DIPK2A: variants seen among roughly 807,000 people sequenced by gnomAD.
DIPK2A encodes the protein divergent protein kinase domain 2A.
A neutral mutation model predicts 39.0 loss-of-function variants in DIPK2A; 27 were observed. The observed-to-expected ratio is 0.69, with a 90% confidence interval of 0.51 to 0.96. DIPK2A has a LOEUF of 0.96. DIPK2A is among the 40% of genes least tolerant of loss of function. The pLI is 0.00. For synonymous variants in DIPK2A, 298 were observed against 240.8 expected, an observed-to-expected ratio of 1.24 and a Z score of -2.20; for missense variants, 528 against 571.3, an observed-to-expected ratio of 0.92 and a Z score of 0.77.
chr3:143,973,561 G>C (rs750291243), intron 1 of DIPK2A: 1 of 1,547,978 alleles, frequency 6.5e-7, no homozygotes, highest in African/African-American at 1.4e-5. Flanking sequence ...ACAGTGGTCG[G>C]GGTGGGTTTA....
At position 143,989,827 on chromosome 3, in the gene DIPK2A, A is replaced by T; in HGVS notation, c.1279A>T (p.Asn427Tyr). 2 of 1,612,664 alleles carry T rather than the reference A, an allele frequency of 1.2e-6. No homozygotes were observed. Among genetic ancestry groups the T allele is most frequent in the Non-Finnish European group, 8.5e-7 (1 of 1,178,764 alleles). ...GCGTGAATACCTAGCACAATTAAGTAACAACGTGAGGTAGTCTATGGTGAA... is the reference window on the plus strand; with the variant it reads ...GCGTGAATACCTAGCACAATTAAGTTACAACGTGAGGTAGTCTATGGTGAA... ...ELREYLAQLS[N>Y]NVR The change falls in exon 3 of 3, where the codon AAC (asparagine) becomes TAC (tyrosine). Residue 427 changes from asparagine (N) to tyrosine (Y), a missense_variant. Coordinates refer to ENST00000315691, the MANE Select transcript of DIPK2A (RefSeq NM_173552.5).
Position 143,989,951 on chromosome 3 carries a change from G to T in DIPK2A, c.*110G>T. 1.0e-5 allele frequency: 8 copies of T among 775,948 alleles called. No homozygotes were observed. In the South Asian group the frequency reaches 1.5e-4, roughly 14 times the overall value. The allele number at this position is 775,948 out of a possible 1,614,324, so 48.1% of individuals were successfully genotyped here. ...TTTGGAAGTGTTACATTCAGAGGATGATAAACTTGCACTGATAGATCTTAA... is the reference window on the plus strand; with the variant it reads ...TTTGGAAGTGTTACATTCAGAGGATTATAAACTTGCACTGATAGATCTTAA... On this transcript the variant is annotated 3_prime_UTR_variant, in exon 3 of 3. Transcript: ENST00000315691.
At chr3:143,978,844 C>T (rs2087788233) in intron 1 of DIPK2A, among the ~76,000 whole-genome samples, 1 of 151,472 alleles carries the variant, frequency 6.6e-6, no homozygotes, top group Non-Finnish European at 1.5e-5. Context: ...GCATCCATTT[C>T]ACATTCTGTA....
intron 1 of DIPK2A, among the ~76,000 whole-genome samples, chr3:143,979,304 GT>G (rs2087794282): frequency 6.6e-6 from 1 of 152,114 alleles, no homozygotes; most frequent in Non-Finnish European, 1.5e-5. Context: ...AGGAAAGACG[GT>G]TTAGATAAGG....
In DIPK2A at chr3:143,972,227, A is replaced by G. The variant is rs2087659953; in HGVS notation, c.-106A>G. 7 of 1,069,990 alleles carry G rather than the reference A, an allele frequency of 6.5e-6. No individual in the cohort carries two copies. The South Asian group carries it at 1.7e-4, about 26-fold the overall frequency. The allele number at this position is 1,069,990 out of a possible 1,614,324, so 66.3% of individuals were successfully genotyped here. A position where few individuals can be genotyped will look rare whatever the true frequency, so the allele number is the denominator to read the frequency against. On this transcript the variant is annotated 5_prime_UTR_variant, in exon 1 of 3. Transcript: ENST00000315691. The stretch of plus-strand genomic sequence containing the variant: ...CGCCCTCCGCCCCAGCCCGCGCGCT[A>G]GCTCCTTCTCTCGCCCGGGGTTCCT...
intron 2 of DIPK2A, 128 bp downstream of exon 2, chr3:143,985,974 T>G (rs2087893914): frequency 1.5e-6 from 1 of 682,712 alleles, no homozygotes; most frequent in Non-Finnish European, 2.4e-6. Context: ...CTTTGCTTTA[T>G]ATGACCACTG....
chr3:143,976,823 T>G (rs1038119402), intron 1 of DIPK2A, among the ~76,000 whole-genome samples: 2 of 152,054 alleles, frequency 1.3e-5, no homozygotes, highest in East Asian at 3.8e-4. Flanking sequence ...TTAAGCTTGC[T>G]TTTCTATTCT....
In DIPK2A at chr3:143,972,369, T is replaced by A; in HGVS notation, c.37T>A (p.Ser13Thr). Reference protein sequence around the residue: ...RLVPPKLGRLSRSLKLAALGS... With the variant: ...RLVPPKLGRLTRSLKLAALGS... ...GGTGCCCCCGAAGCTGGGCCGCCTG[T>A]CCCGCTCGCTGAAGCTGGCGGCGCT... Residue 13 changes from serine (S) to threonine (T), a missense_variant, in exon 1 of 3, where the codon TCC (serine) becomes ACC (threonine). This residue lies in a region of DIPK2A where 309 missense variants were observed against 289.8 expected (regional missense o/e 1.07). Coordinates refer to ENST00000315691, the MANE Select transcript of DIPK2A (RefSeq NM_173552.5). The A allele has an allele frequency of 1.4e-6, 2 of 1,410,078 alleles. No homozygotes were observed. Among genetic ancestry groups the A allele is most frequent in the Non-Finnish European group, 1.8e-6 (2 of 1,082,250 alleles). 87.3% of individuals were successfully genotyped at this position (1,410,078 alleles called of 1,614,324 possible). A position where few individuals can be genotyped will look rare whatever the true frequency, so the allele number is the denominator to read the frequency against.
intron 1 of DIPK2A, among the ~76,000 whole-genome samples, chr3:143,980,985 A>G (rs1183284773): frequency 6.6e-6 from 1 of 152,200 alleles, no homozygotes; most frequent in Admixed American, 6.5e-5. Context: ...ATTTTAATCT[A>G]TTAGTCTCAT....
intron 2 of DIPK2A, among the ~76,000 whole-genome samples, chr3:143,987,867 A>AC (rs2087926070): frequency 6.6e-6 from 1 of 152,152 alleles, no homozygotes; most frequent in Non-Finnish European, 1.5e-5. Flanking sequence ...ATTAGCAACC[A>AC]CCTAATTGGC....
rs1296945681 is a variant in DIPK2A at position 143,978,535 on chromosome 3, ATAAC to A, written c.657+5550_657+5553del. The A allele has an allele frequency of 2.2e-4, 33 of 151,514 alleles. No homozygotes were observed. In the Admixed American group the frequency reaches 2.2e-3, roughly 10 times the overall value. 9.4% of individuals were successfully genotyped at this position (151,514 alleles called of 1,614,324 possible). ...TACTATGTAGGAGGTAGGTACACAA[ATAAC>A]TAATTATTATACAATCCATTTAATA... On this transcript the variant is annotated intron_variant, in intron 1 of 2. Transcript: ENST00000315691.
At chr3:143,978,663 TATATAG>T (rs200933413) in intron 1 of DIPK2A, 10 of 43,842 alleles carry the variant, frequency 2.3e-4, no homozygotes, top group African/African-American at 1.3e-3. Context: ...TATATATCTA[TATATAG>T]ATATATATAT....
chr3:143,973,873 C>G (rs2087693302), intron 1 of DIPK2A, among the ~76,000 whole-genome samples: 1 of 151,960 alleles, frequency 6.6e-6, no homozygotes, highest in Non-Finnish European at 1.5e-5. Flanking sequence ...AAAAAGAGAA[C>G]AAAAAACAAA....
At chr3:143,973,090 T>C (rs1274517787) in intron 1 of DIPK2A, 101 bp downstream of exon 1, 11 of 1,424,480 alleles carry the variant, frequency 7.7e-6, no homozygotes, top group Non-Finnish European at 1.0e-5. Context: ...CAGTTCGGAC[T>C]CGGCCGGGCT....
At chr3:143,984,933 C>T (rs2087877589) in intron 1 of DIPK2A, among the ~76,000 whole-genome samples, 1 of 152,144 alleles carries the variant, frequency 6.6e-6, no homozygotes, top group Admixed American at 6.5e-5. Flanking sequence ...TCCCTGAATT[C>T]CACCCCATCT....
chr3:143,973,597 A>G (rs538473383), intron 1 of DIPK2A: 55 of 1,482,502 alleles, frequency 3.7e-5, no homozygotes, highest in South Asian at 7.3e-5. Flanking sequence ...TTTGGGTGGG[A>G]TTAGAATCAG....
chr3:143,983,795 ACCAG>A lies in DIPK2A; in HGVS notation c.658-1747_658-1744del. ...CTGGTTTTTTGAAAAGATTAGAAAA[ACCAG>A]ACCACTAGCAATACAAACTGTTTTG... is the stretch of plus-strand genomic sequence containing the variant. On this transcript the variant is annotated intron_variant, in intron 1 of 2. Transcript: ENST00000315691. Among the ~76,000 whole-genome samples the A allele has an allele frequency of 2.0e-5, 3 of 152,150 alleles. 1 individual carries two copies. Among genetic ancestry groups the A allele is most frequent in the Admixed American group, 1.3e-4 (2 of 15,278 alleles).
At chr3:143,976,640 G>A (rs974759084) in intron 1 of DIPK2A, among the ~76,000 whole-genome samples, 7 of 151,010 alleles carry the variant, frequency 4.6e-5, no homozygotes, top group African/African-American at 1.7e-4. Flanking sequence ...TAACCTGGAA[G>A]TAGTGAAGAT....
intron 1 of DIPK2A, chr3:143,978,642 A>ATATCTATATATATATATATATC (rs2087774557): frequency 8.7e-5 from 3 of 34,520 alleles, no homozygotes; most frequent in Non-Finnish European, 1.6e-4. Context: ...ATATATATCT[A>ATATCTATATATATATATATATC]TATATATATA....
Sources: allele counts gnomAD v4.1 joint callset (sites outside exome capture counted in the v4.1 genomes callset), GRCh38; gene constraint gnomAD v4.1.1; regional missense constraint gnomAD v4.1.1; transcripts MANE v1.5; gene names NCBI Gene and HGNC (gene_info 2026-07-23, HGNC 2026-07-21).